Variants in UTP14C observed in about 807,000 individuals in gnomAD.
UTP14C encodes the protein UTP14C small subunit processome component.
A neutral mutation model predicts 14.6 loss-of-function variants in UTP14C; 10 were observed. The observed-to-expected ratio is 0.68, with a 90% CI of 0.42 to 1.16. The LOEUF is 1.16. Among genes scored for constraint, UTP14C ranks in the 50% most tolerant of loss-of-function variants. The probability of loss-of-function intolerance (pLI) is 0.00; values close to 1 mark genes in which losing one functional copy is unlikely to be tolerated. For synonymous variants in UTP14C, 315 were observed against 331.6 expected, an observed-to-expected ratio of 0.95 and a Z score of 0.54; for missense variants, 818 against 890.8, an observed-to-expected ratio of 0.92 and a Z score of 1.04.
Position 52,029,074 on chromosome 13 carries a change from T to G in UTP14C, c.270T>G (p.Leu90=), listed in dbSNP as rs2140848578. Residue 90 remains leucine (L), a synonymous_variant, in exon 2 of 2, where the codon CTT becomes CTG. Coordinates refer to ENST00000521776, the MANE Select transcript of UTP14C (RefSeq NM_021645.6). ...SGEKLGLADL[L]EPVKTSSSLA... Reference sequence around the variant, plus strand: ...AAAAGCTGGGCCTTGCAGATCTGCTTGAGCCCGTTAAAACTTCATCTTCTT... The same window carrying G: ...AAAAGCTGGGCCTTGCAGATCTGCTGGAGCCCGTTAAAACTTCATCTTCTT... 1 of 1,614,264 alleles carries G rather than the reference T, an allele frequency of 6.2e-7. No individual in the cohort carries two copies. The highest frequency in any genetic ancestry group is 2.2e-5 in the East Asian group (1 of 44,892).
Position 52,030,809 on chromosome 13 carries a change from A to G in UTP14C, c.2005A>G (p.Ser669Gly). Residue 669 changes from serine (S) to glycine (G), a missense_variant, in exon 2 of 2, where the codon AGT becomes GGT. Physicochemically the swap from Ser to Gly is moderately conservative, Grantham distance 56 (BLOSUM62 0). Transcript: ENST00000521776. ...KDKNLPNVII[S>G]EKRNIHAAAH... ...TAAGAATTTGCCAAATGTGATTATC[A>G]GTGAGAAGCGCAACATCCACGCAGC... The G allele has an allele frequency of 3.7e-6, 6 of 1,614,222 alleles. No homozygotes were observed. Among genetic ancestry groups the G allele is most frequent in the Non-Finnish European group, 5.1e-6 (6 of 1,180,046 alleles).
At position 52,028,739 on chromosome 13, in the gene UTP14C, A is replaced by G; in HGVS notation, c.-66A>G. On this transcript the variant is annotated 5_prime_UTR_variant, in exon 2 of 2. Transcript: ENST00000521776. ...CTTTTAGAATAAAAGGAAGTGTTGA[A>G]AAGAAAATGGATGACTAGCCTTCGG... is the stretch of plus-strand genomic sequence containing the variant. The G allele has an allele frequency of 1.2e-6, 2 of 1,610,326 alleles. No individual in the cohort carries two copies. The highest frequency in any genetic ancestry group is 2.7e-5 in the African/African-American group (2 of 75,002).
rs559685616 is a variant in UTP14C at position 52,029,494 on chromosome 13, G to T, written c.690G>T (p.Arg230=). 27 of 1,614,212 alleles carry T rather than the reference G, an allele frequency of 1.7e-5. No homozygotes were observed. The highest frequency in any genetic ancestry group is 2.3e-5 in the Non-Finnish European group (27 of 1,180,036). Residue 230 remains arginine (R), a synonymous_variant, in exon 2 of 2, where the codon CGG becomes CGT. Coordinates refer to ENST00000521776, the MANE Select transcript of UTP14C (RefSeq NM_021645.6). ...KMHRAELQRA[R]ALQSYYEAKA... is the part of the protein sequence containing the mutation. ...ACCGAGCAGAGCTTCAGAGGGCTCG[G>T]GCTCTGCAGTCCTACTATGAGGCCA...
chr13:52,031,431 G>GGACT lies in UTP14C; in HGVS notation c.*333_*336dup. ...TCTCAAAGCATACAGTCAAGAGGTGGGACTGACTGATGCTTTATAGGTGTG... is the reference window on the plus strand; with the variant it reads ...TCTCAAAGCATACAGTCAAGAGGTGGGACTGACTGACTGATGCTTTATAGGTGTG... On this transcript the variant is annotated 3_prime_UTR_variant, in exon 2 of 2. Transcript: ENST00000521776. 3.4e-6 allele frequency: 1 copy of GGACT among 293,010 alleles called. No individual in the cohort carries two copies. The highest frequency in any genetic ancestry group is 6.8e-6 in the Non-Finnish European group (1 of 147,914). 18.2% of individuals were successfully genotyped at this position (293,010 alleles called of 1,614,324 possible). A position where few individuals can be genotyped will look rare whatever the true frequency, so the allele number is the denominator to read the frequency against.
Position 52,031,544 on chromosome 13 carries a change from A to G in UTP14C, c.*439A>G, listed in dbSNP as rs779739743. 20 of 181,976 alleles carry G rather than the reference A, an allele frequency of 1.1e-4. No homozygotes were observed. The highest frequency in any genetic ancestry group is 2.1e-4 in the Non-Finnish European group (16 of 76,142). The allele number at this position is 181,976 out of a possible 1,614,324, so 11.3% of individuals were successfully genotyped here. ...TTGTTTTTGTTTATGCTGTCAGCAC[A>G]TTTGTGTGGGTCTCTCATTGTCCCT... On this transcript the variant is annotated 3_prime_UTR_variant, in exon 2 of 2. Coordinates refer to ENST00000521776, the MANE Select transcript of UTP14C (RefSeq NM_021645.6).
Position 52,029,212 on chromosome 13 carries a change from CT to C in UTP14C, c.409del (p.Ser137HisfsTer12), listed in dbSNP as rs774010041. The C allele has an allele frequency of 1.2e-6, 2 of 1,614,028 alleles. No individual in the cohort carries two copies. Among genetic ancestry groups the C allele is most frequent in the Non-Finnish European group, 1.7e-6 (2 of 1,180,036 alleles). On this transcript the variant is annotated frameshift_variant, in exon 2 of 2. Transcript: ENST00000521776. LOFTEE classifies it low-confidence loss of function (END_TRUNC). ...ACAGAGAAGTAGCATTCAGTAAAACCTCACAGGTCCTCTCCAAATGGGACCC... is the reference window on the plus strand; with the variant it reads ...ACAGAGAAGTAGCATTCAGTAAAACCCACAGGTCCTCTCCAAATGGGACCC... ...IHREVAFSKT[S>X]QVLSKWDPII...
rs907991512 is a variant in UTP14C at position 52,033,579 on chromosome 13, T to G, written c.*2474T>G. 1 of 166,948 alleles carries G rather than the reference T, an allele frequency of 6.0e-6. No individual in the cohort carries two copies. 10.3% of individuals were successfully genotyped at this position (166,948 alleles called of 1,614,324 possible). The stretch of plus-strand genomic sequence containing the variant: ...TAAAGAAGAAACAAAAATAAAAGTT[T>G]GTCTTGCTTGTGAAACATTAAGAAG... On this transcript the variant is annotated 3_prime_UTR_variant, in exon 2 of 2. Coordinates refer to ENST00000521776, the MANE Select transcript of UTP14C (RefSeq NM_021645.6).
intron 1 of UTP14C, among the ~76,000 whole-genome samples, 189 bp downstream of exon 1, chr13:52,025,126 C>T (rs1363080137): frequency 6.6e-6 from 1 of 152,112 alleles, no homozygotes; most frequent in Non-Finnish European, 1.5e-5. Context: ...ATTTATTGAC[C>T]AATTCCTGTG....
In UTP14C at chr13:52,024,843, A is replaced by G; in HGVS notation, c.-581A>G. ...ATTTAGGAGTTCAAGAATATGTGGAATTTAAAATAAACATTCCATTTGATG... is the reference window on the plus strand; with the variant it reads ...ATTTAGGAGTTCAAGAATATGTGGAGTTTAAAATAAACATTCCATTTGATG... On this transcript the variant is annotated 5_prime_UTR_variant, in exon 1 of 2. Transcript: ENST00000521776. 3.1e-6 allele frequency: 5 copies of G among 1,613,992 alleles called. No homozygotes were observed. Among genetic ancestry groups the G allele is most frequent in the Non-Finnish European group, 4.2e-6 (5 of 1,179,872 alleles).
intron 1 of UTP14C, among the ~76,000 whole-genome samples, chr13:52,025,713 T>A (rs1225402652): frequency 6.6e-6 from 1 of 152,260 alleles, no homozygotes; most frequent in Non-Finnish European, 1.5e-5. Context: ...TAAAATCAAG[T>A]ACTGCTTTGT....
Position 52,031,080 on chromosome 13 carries a change from G to A in UTP14C, c.2276G>A (p.Arg759His), listed in dbSNP as rs149714218. The part of the protein sequence containing the change: ...IQRNPKRITT[R>H]HNKEEKL ...AGGAATCCAAAACGAATCACCACAC[G>A]TCACAATAAAGAAGAAAAACTGTAG... The change falls in exon 2 of 2, where the codon CGT (arginine) becomes CAT (histidine). Residue 759 changes from arginine to histidine, a missense_variant. Coordinates refer to ENST00000521776, the MANE Select transcript of UTP14C (RefSeq NM_021645.6). 5.3e-5 allele frequency: 86 copies of A among 1,612,754 alleles called. 1 individual carries two copies. The African/African-American group carries it at 8.7e-4, about 16-fold the overall frequency.
chr13:52,026,077 A>AGTGCC (rs1188925344), intron 1 of UTP14C, among the ~76,000 whole-genome samples: 2 of 152,240 alleles, frequency 1.3e-5, no homozygotes, highest in Non-Finnish European at 2.9e-5. Flanking sequence ...TACACAGGCA[A>AGTGCC]GTGCCGTGCC....
At position 52,030,722 on chromosome 13, in the gene UTP14C, C is replaced by G. The variant is rs1169704263; in HGVS notation, c.1918C>G (p.Pro640Ala). 6.2e-7 allele frequency: 1 copy of G among 1,614,150 alleles called. No individual in the cohort carries two copies. The change falls in exon 2 of 2, where the codon CCC (proline) becomes GCC (alanine). Residue 640 changes from proline to alanine, a missense_variant. Transcript: ENST00000521776. ...WGEWGGVGLK[P>A]SAKKRRQFLI... Reference sequence around the variant, plus strand: ...CGAGTGGGGTGGTGTGGGCCTAAAGCCCAGTGCCAAGAAAAGACGCCAGTT... The same window carrying G: ...CGAGTGGGGTGGTGTGGGCCTAAAGGCCAGTGCCAAGAAAAGACGCCAGTT...
At position 52,032,875 on chromosome 13, in the gene UTP14C, A is replaced by G. The variant is rs1954318960; in HGVS notation, c.*1770A>G. On this transcript the variant is annotated 3_prime_UTR_variant, in exon 2 of 2. Coordinates refer to ENST00000521776, the MANE Select transcript of UTP14C (RefSeq NM_021645.6). Reference sequence around the variant, plus strand: ...CAGTGTCACAAAGCTGTTTCATGAAAGAATCAAGATTATAACCTGGATATT... The same window carrying G: ...CAGTGTCACAAAGCTGTTTCATGAAGGAATCAAGATTATAACCTGGATATT... The G allele has an allele frequency of 6.0e-6, 1 of 167,094 alleles. No individual in the cohort carries two copies. Among genetic ancestry groups the G allele is most frequent in the Non-Finnish European group, 1.5e-5 (1 of 68,122 alleles). 10.4% of individuals were successfully genotyped at this position (167,094 alleles called of 1,614,324 possible).
chr13:52,028,100 A>C (rs1954259143), intron 1 of UTP14C, among the ~76,000 whole-genome samples: 1 of 152,196 alleles, frequency 6.6e-6, no homozygotes, highest in Admixed American at 6.5e-5. Flanking sequence ...CTCTTAAAAA[A>C]AAAAAAGTGA....
intron 1 of UTP14C, 39 bp downstream of exon 1, chr13:52,024,976 G>T: frequency 1.3e-6 from 2 of 1,569,410 alleles, no homozygotes; most frequent in South Asian, 1.1e-5. Context: ...GGTGCCATGA[G>T]ATACACATTT....
rs893185674 is a variant in UTP14C, at chr13:52,029,646, A to G, written c.842A>G (p.Glu281Gly). ...QKVNPTVALE[E>G]MEKIENARMM... is the part of the protein sequence containing the mutation. ...GTTAATCCAACTGTGGCACTGGAAG[A>G]AATGGAAAAAATTGAAAATGCCAGA... The change falls in exon 2 of 2, where the codon GAA (glutamate) becomes GGA (glycine). Residue 281 changes from glutamate to glycine, a missense_variant. By Grantham distance (98) the Glu-to-Gly change is moderately conservative (BLOSUM62 -2). Transcript: ENST00000521776. 6.2e-7 allele frequency: 1 copy of G among 1,614,236 alleles called. No individual in the cohort carries two copies. Among genetic ancestry groups the G allele is most frequent in the Non-Finnish European group, 8.5e-7 (1 of 1,180,034 alleles).
At chr13:52,025,889 T>C (rs1403666399) in intron 1 of UTP14C, among the ~76,000 whole-genome samples, 1 of 152,246 alleles carries the variant, frequency 6.6e-6, no homozygotes, top group African/African-American at 2.4e-5. Flanking sequence ...GCCCAGACAT[T>C]AAGCAAGAAC....
At position 52,031,000 on chromosome 13, in the gene UTP14C, A is replaced by C; in HGVS notation, c.2196A>C (p.Lys732Asn). The change falls in exon 2 of 2, where the codon AAA (lysine) becomes AAC (asparagine). Residue 732 changes from lysine to asparagine, a missense_variant. By Grantham distance (94) the Lys-to-Asn change is moderately conservative. Coordinates refer to ENST00000521776, the MANE Select transcript of UTP14C (RefSeq NM_021645.6). ...CAGGCCATATCATTAAGCCCATAAAAGCAGAGGATGTGGGCTACCAGTCTT... is the reference window on the plus strand; with the variant it reads ...CAGGCCATATCATTAAGCCCATAAACGCAGAGGATGTGGGCTACCAGTCTT... The part of the protein sequence containing the change: ...TKPGHIIKPI[K>N]AEDVGYQSSS... 1 of 1,614,216 alleles carries C rather than the reference A, an allele frequency of 6.2e-7. No individual in the cohort carries two copies. The highest frequency in any genetic ancestry group is 8.5e-7 in the Non-Finnish European group (1 of 1,180,032).
Sources: allele counts gnomAD v4.1 joint callset (sites outside exome capture counted in the v4.1 genomes callset), GRCh38; gene constraint gnomAD v4.1.1; transcripts MANE v1.5; gene names NCBI Gene and HGNC (gene_info 2026-07-23, HGNC 2026-07-21).